FAM3B: variants seen among roughly 807,000 people sequenced by gnomAD.
The protein encoded by FAM3B is FAM3 metabolism regulating signaling molecule B.
Under a neutral mutation model 28.4 loss-of-function variants are expected in FAM3B, and 29 were observed. The observed-to-expected ratio is 1.02, with a 90% CI of 0.76 to 1.39. The LOEUF is 1.39. FAM3B is among the 40% of genes most tolerant of loss of function. The pLI is 0.00. For missense variants in FAM3B, 266 were observed against 293.9 expected, an observed-to-expected ratio of 0.91 and a Z score of 0.69; for synonymous variants, 91 against 103.0, an observed-to-expected ratio of 0.88 and a Z score of 0.71.
At chr21:41,321,082 G>A (rs1180437482) in intron 1 of FAM3B, 1 of 152,196 alleles carries the variant, frequency 6.6e-6, no homozygotes, top group Non-Finnish European at 1.5e-5. Flanking sequence ...ACATTGTCTG[G>A]TTAGCCAGTT....
chr21:41,334,752 G>A (rs910029161), intron 2 of FAM3B, among the ~76,000 whole-genome samples: 2 of 152,218 alleles, frequency 1.3e-5, no homozygotes, highest in Admixed American at 6.5e-5. Context: ...TGTGGGAAGA[G>A]GGCCACCATC....
At chr21:41,345,654 T>G in intron 4 of FAM3B, 32 bp from the exon 5 acceptor site, 1 of 1,461,678 alleles carries the variant, frequency 6.8e-7, no homozygotes, top group Non-Finnish European at 9.2e-7. Context: ...TCTGTGAACT[T>G]TCTTTTAAAA....
At chr21:41,345,612 C>G (rs1036560472) in intron 4 of FAM3B, 74 bp from the exon 5 acceptor site, 1 of 834,100 alleles carries the variant, frequency 1.2e-6, no homozygotes, top group African/African-American at 1.8e-5. Context: ...TATTTCCTTC[C>G]CCAGGCCCTG....
chr21:41,315,725 T>G (rs1200195386), upstream of FAM3B, among the ~76,000 whole-genome samples: 1 of 151,868 alleles, frequency 6.6e-6, no homozygotes, highest in East Asian at 1.9e-4. Context: ...AGACTGCAGG[T>G]GGGGGTGAAC....
intron 2 of FAM3B, among the ~76,000 whole-genome samples, chr21:41,335,159 C>G (rs907042842): frequency 7.2e-5 from 11 of 152,162 alleles, no homozygotes; most frequent in Non-Finnish European, 1.2e-4. Flanking sequence ...AGAGATTTGC[C>G]TTGTCCCAGA....
chr21:41,305,137 T>G (rs2088676226), intron 1 of FAM3B, among the ~76,000 whole-genome samples: 1 of 152,128 alleles, frequency 6.6e-6, no homozygotes, highest in Admixed American at 6.5e-5. Context: ...AACCTCTTCA[T>G]CTCCTGGAAC....
At chr21:41,347,911 G>A (rs1181562760) in intron 6 of FAM3B, among the ~76,000 whole-genome samples, 1 of 152,154 alleles carries the variant, frequency 6.6e-6, no homozygotes, top group East Asian at 1.9e-4. Flanking sequence ...CCTTCAAAGT[G>A]CTTATTTGTG....
intron 3 of FAM3B, among the ~76,000 whole-genome samples, chr21:41,343,980 TGTA>T (rs1280535372): frequency 6.6e-6 from 1 of 152,132 alleles, no homozygotes; most frequent in Non-Finnish European, 1.5e-5. Context: ...ATTAGCCTGT[TGTA>T]GTGGTGCACG....
chr21:41,318,159 G>A (rs914629813), intron 1 of FAM3B, among the ~76,000 whole-genome samples: 3 of 152,094 alleles, frequency 2.0e-5, no homozygotes, highest in Admixed American at 1.3e-4. Flanking sequence ...AGGAAGCTTC[G>A]AGATGACACC....
chr21:41,348,752 AC>A (rs751494924), intron 7 of FAM3B, 28 bp downstream of exon 7: 1 of 1,614,012 alleles, frequency 6.2e-7, no homozygotes, highest in South Asian at 1.1e-5. Context: ...GTCCCTTCCC[AC>A]CAATGGTGAG....
chr21:41,334,812 A>G (rs2088939050), intron 2 of FAM3B, among the ~76,000 whole-genome samples: 3 of 152,226 alleles, frequency 2.0e-5, no homozygotes, highest in African/African-American at 7.2e-5. Flanking sequence ...CTCAGCATGG[A>G]AAAGCCACAG....
chr21:41,338,267 C>A, intron 2 of FAM3B, 111 bp from the exon 3 acceptor site: 1 of 1,330,398 alleles, frequency 7.5e-7, no homozygotes, highest in Admixed American at 2.0e-5. Context: ...GGTTTTCCGA[C>A]CGCTGCTTGG....
In FAM3B at chr21:41,343,889, G is replaced by A. The variant is rs148327313; in HGVS notation, c.288-587G>A. 1.2e-4 allele frequency among the ~76,000 whole-genome samples: 19 copies of A among 152,264 alleles called. No homozygotes were observed. In the East Asian group the frequency reaches 2.9e-3, roughly 23 times the overall value. On this transcript the variant is annotated intron_variant, in intron 3 of 7. Transcript: ENST00000357985. ...TCCCAGCACTTTGGGAGGCTGAGGC[G>A]GGCAGATCACTGGAGCCCAAGAGTT...
At chr21:41,349,727 C>A (rs755310632) in intron 7 of FAM3B, among the ~76,000 whole-genome samples, 1 of 152,326 alleles carries the variant, frequency 6.6e-6, no homozygotes, top group Non-Finnish European at 1.5e-5. Context: ...GGCCACACAA[C>A]CAGACAACTT....
chr21:41,343,331 TA>T (rs936189012), intron 3 of FAM3B, among the ~76,000 whole-genome samples: 2 of 152,334 alleles, frequency 1.3e-5, no homozygotes, highest in South Asian at 4.1e-4. Context: ...GGGAAATTCT[TA>T]ACTACCTTAT....
chr21:41,311,236 CAAAAAAA>C (rs71848321), intron 1 of FAM3B, among the ~76,000 whole-genome samples: 37 of 23,514 alleles, frequency 1.6e-3, no homozygotes, highest in Admixed American at 2.3e-3. Flanking sequence ...CCTGTCTCTA[CAAAAAAA>C]AAAAAAAAAT....
At chr21:41,323,146 G>A in intron 2 of FAM3B, 80 bp downstream of exon 2, 1 of 1,552,404 alleles carries the variant, frequency 6.4e-7, no homozygotes, top group Non-Finnish European at 8.7e-7. Context: ...GTCCCAGCTG[G>A]AGGCTGGGGG....
At chr21:41,318,295 G>A (rs773319077) in intron 1 of FAM3B, among the ~76,000 whole-genome samples, 2 of 152,180 alleles carry the variant, frequency 1.3e-5, no homozygotes, top group East Asian at 1.9e-4. Context: ...TGCCCTGGAC[G>A]CTTCTGTCCA....
At chr21:41,312,157 C>G (rs66464836), upstream of FAM3B, among the ~76,000 whole-genome samples, 16,964 of 152,186 alleles carry the variant, frequency 0.11, 1,113 homozygotes, top group Admixed American at 0.2. Flanking sequence ...AGAGCCAAAC[C>G]ATGTCATTGT....
Sources: gnomAD v4.1 joint callset for allele counts (sites outside exome capture counted in the v4.1 genomes callset) on GRCh38, gnomAD v4.1.1 for gene constraint, MANE v1.5 for transcripts, NCBI Gene and HGNC (gene_info 2026-07-23, HGNC 2026-07-21) for gene names.